The following COG6 variants were observed in gnomAD, a reference collection of about 807,000 sequenced individuals.
The protein encoded by COG6 is component of oligomeric golgi complex 6.
Under a neutral mutation model 88.8 loss-of-function variants are expected in COG6, and 74 were observed. The ratio of observed to expected loss-of-function variants is 0.83; its 90% confidence interval spans 0.69 to 1.01. The LOEUF is 1.01. Ranked by LOEUF, COG6 falls within the 50% of genes least tolerant of loss-of-function variation. The probability of loss-of-function intolerance (pLI) is 0.00; values close to 1 mark genes in which losing one functional copy is unlikely to be tolerated. For missense variants in COG6, 800 were observed against 797.9 expected, an observed-to-expected ratio of 1.00 and a Z score of -0.03; for synonymous variants, 286 against 278.7, an observed-to-expected ratio of 1.03 and a Z score of -0.26.
At chr13:39,727,687 C>G in intron 18 of COG6, 139 bp downstream of exon 18, 1 of 728,244 alleles carries the variant, frequency 1.4e-6, no homozygotes, top group Non-Finnish European at 2.5e-6. Flanking sequence ...TTTCTTCTGC[C>G]TTGGCATGCC....
chr13:39,730,991 T>G (rs984001558), intron 18 of COG6, among the ~76,000 whole-genome samples: 1 of 151,440 alleles, frequency 6.6e-6, no homozygotes, highest in Non-Finnish European at 1.5e-5. Flanking sequence ...CTGGCTGATT[T>G]TTGTATTTTT....
chr13:39,741,634 T>C (rs1270534354), intron 18 of COG6, among the ~76,000 whole-genome samples: 2 of 152,144 alleles, frequency 1.3e-5, no homozygotes, highest in African/African-American at 4.8e-5. Context: ...TTGATTGGTG[T>C]ACCTGAAAGT....
chr13:39,769,577 T>C (rs1277761766), intron 18 of COG6, among the ~76,000 whole-genome samples: 1 of 152,176 alleles, frequency 6.6e-6, no homozygotes, highest in African/African-American at 2.4e-5. Context: ...AGATACACAA[T>C]AGTGTCCAAC....
At chr13:39,666,006 C>T (rs1875235475) in intron 4 of COG6, among the ~76,000 whole-genome samples, 1 of 152,244 alleles carries the variant, frequency 6.6e-6, no homozygotes, top group South Asian at 2.1e-4. Flanking sequence ...GCTGCTTTTA[C>T]CCTACTGCAG....
chr13:39,656,986 ATATT>A (rs1180502124), intron 1 of COG6: 3 of 422,454 alleles, frequency 7.1e-6, no homozygotes, highest in Admixed American at 5.4e-5. Context: ...TCTCATATTG[ATATT>A]TATTATATCA....
At chr13:39,709,381 T>A (rs985811330) in intron 13 of COG6, among the ~76,000 whole-genome samples, 1 of 152,146 alleles carries the variant, frequency 6.6e-6, no homozygotes, top group African/African-American at 2.4e-5. Flanking sequence ...GGGCTTTTAG[T>A]GTAATCATCA....
chr13:39,761,047 T>C (rs1020507202), intron 18 of COG6, among the ~76,000 whole-genome samples: 1 of 151,952 alleles, frequency 6.6e-6, no homozygotes, highest in Admixed American at 6.6e-5. Flanking sequence ...CTTATATTTC[T>C]TCAACAGCTA....
chr13:39,757,060 A>G (rs9548923), downstream of COG6, among the ~76,000 whole-genome samples: 27,243 of 152,194 alleles, frequency 0.18, 2,926 homozygotes, highest in East Asian at 0.26. Context: ...CACAGGGAAC[A>G]CTCTCCAAGA....
chr13:39,692,638 ACT>A (rs1452701310), intron 11 of COG6, among the ~76,000 whole-genome samples: 1 of 151,374 alleles, frequency 6.6e-6, no homozygotes, highest in Non-Finnish European at 1.5e-5. Context: ...ACACAAACCC[ACT>A]CTCTTTCTCT....
chr13:39,757,318 T>G (rs1409002032), downstream of COG6, among the ~76,000 whole-genome samples: 2 of 151,990 alleles, frequency 1.3e-5, no homozygotes, highest in Non-Finnish European at 2.9e-5. Context: ...TCTTATGAAA[T>G]GCAGCAAAAA....
chr13:39,685,079 C>T (rs1876561082), intron 8 of COG6, among the ~76,000 whole-genome samples: 1 of 152,060 alleles, frequency 6.6e-6, no homozygotes, highest in Non-Finnish European at 1.5e-5. Flanking sequence ...CACTTCTTTA[C>T]TATTATCTTT....
At chr13:39,748,096 T>C (rs1364588354) in intron 18 of COG6, among the ~76,000 whole-genome samples, 2 of 152,210 alleles carry the variant, frequency 1.3e-5, no homozygotes, top group East Asian at 3.9e-4. Context: ...TACACACTTC[T>C]CAGAAATCTA....
intron 13 of COG6, among the ~76,000 whole-genome samples, chr13:39,705,853 G>T (rs1174887565): frequency 6.6e-6 from 1 of 152,052 alleles, no homozygotes; most frequent in Non-Finnish European, 1.5e-5. Flanking sequence ...ATTTTAATAA[G>T]ATTCCCAGGA....
At chr13:39,760,653 T>C (rs1405049202) in intron 18 of COG6, among the ~76,000 whole-genome samples, 1 of 152,142 alleles carries the variant, frequency 6.6e-6, no homozygotes, top group Non-Finnish European at 1.5e-5. Context: ...CACACTACTA[T>C]GATTTACCAA....
chr13:39,745,246 C>G (rs1180689816), intron 18 of COG6, among the ~76,000 whole-genome samples: 1 of 152,130 alleles, frequency 6.6e-6, no homozygotes, highest in African/African-American at 2.4e-5. Flanking sequence ...AAAATAGGAT[C>G]TAATTAAACT....
In COG6 at chr13:39,658,331, G is replaced by C. The variant is rs191287528; in HGVS notation, c.154-1033G>C. 2.7e-3 allele frequency among the ~76,000 whole-genome samples: 407 copies of C among 151,832 alleles called. 2 individuals carry two copies. The highest frequency in any genetic ancestry group is 8.7e-3 in the Admixed American group (133 of 15,252). ...GCTAATTTTTTGATTTTTTTATAGA[G>C]ATAGGGGTCTTACTATGTTATGCAG... On this transcript the variant is annotated intron_variant, in intron 1 of 18. Transcript: ENST00000455146.
Position 39,687,752 on chromosome 13 carries a change from C to T in COG6, c.962C>T (p.Ser321Phe). Reference sequence around the variant, plus strand: ...GCTTGGCTCCATCAAGCTACTGCTTCTGAAAAGGAACACCTTGAAGCTCTC... The same window carrying T: ...GCTTGGCTCCATCAAGCTACTGCTTTTGAAAAGGAACACCTTGAAGCTCTC... ...MLAWLHQATASEKEHLEALLK... is the reference protein window; with the variant it reads ...MLAWLHQATAFEKEHLEALLK... Residue 321 changes from serine to phenylalanine, a missense_variant, in exon 10 of 19, where the codon TCT (serine) becomes TTT (phenylalanine). Ser to Phe is a radical substitution (Grantham distance 155, BLOSUM62 -2). Coordinates refer to ENST00000455146, the MANE Select transcript of COG6 (RefSeq NM_020751.3). The T allele has an allele frequency of 6.2e-7, 1 of 1,614,096 alleles. No homozygotes were observed. Among genetic ancestry groups the T allele is most frequent in the Non-Finnish European group, 8.5e-7 (1 of 1,180,010 alleles).
intron 18 of COG6, among the ~76,000 whole-genome samples, chr13:39,759,705 A>G (rs1044645361): frequency 3.3e-5 from 5 of 152,178 alleles, no homozygotes; most frequent in Non-Finnish European, 7.4e-5. Flanking sequence ...ACTAGCTGAG[A>G]AATGAATGTA....
At chr13:39,688,180 C>T (rs574801999) in intron 10 of COG6, among the ~76,000 whole-genome samples, 2 of 152,258 alleles carry the variant, frequency 1.3e-5, no homozygotes, top group East Asian at 3.9e-4. Flanking sequence ...GGCTGAGTGA[C>T]TTGTTTTAGG....
Sources: allele counts gnomAD v4.1 joint callset (sites outside exome capture counted in the v4.1 genomes callset), GRCh38; gene constraint gnomAD v4.1.1; transcripts MANE v1.5; gene names NCBI Gene and HGNC (gene_info 2026-07-23, HGNC 2026-07-21).